The following GABPB2 variants were observed in gnomAD, a reference collection of about 807,000 sequenced individuals.
GABPB2 encodes GA binding protein transcription factor subunit beta 2.
A neutral mutation model predicts 39.1 loss-of-function variants in GABPB2; 23 were observed. The observed-to-expected ratio is 0.59, with a 90% CI of 0.42 to 0.83. GABPB2 has a LOEUF of 0.83. GABPB2 is among the 40% of genes least tolerant of loss of function. GABPB2 has a pLI of 0.00. For synonymous variants in GABPB2, 184 were observed against 199.3 expected, an observed-to-expected ratio of 0.92 and a Z score of 0.65; for missense variants, 467 against 541.1, an observed-to-expected ratio of 0.86 and a Z score of 1.36.
At chr1:151,107,483 A>G (rs1405795232) in intron 7 of GABPB2, among the ~76,000 whole-genome samples, 1 of 152,122 alleles carries the variant, frequency 6.6e-6, no homozygotes, top group African/African-American at 2.4e-5. Context: ...TCACAGAAAA[A>G]AAATGTACTG....
intron 4 of GABPB2, 97 bp from the exon 5 acceptor site, chr1:151,097,753 TGG>T: frequency 8.3e-7 from 1 of 1,208,492 alleles, no homozygotes; most frequent in Non-Finnish European, 1.2e-6. Context: ...CACTCCAGCC[TGG>T]GTGGCAGAGT....
At chr1:151,089,870 C>T (rs1048116415) in intron 2 of GABPB2, among the ~76,000 whole-genome samples, 5 of 151,992 alleles carry the variant, frequency 3.3e-5, no homozygotes, top group African/African-American at 1.2e-4. Context: ...GATAAATCCA[C>T]CTGACATAAA....
intron 1 of GABPB2, among the ~76,000 whole-genome samples, chr1:151,085,653 C>T (rs1678120249): frequency 6.6e-6 from 1 of 152,046 alleles, no homozygotes; most frequent in East Asian, 1.9e-4. Flanking sequence ...GGAGTTTCAC[C>T]GTGTTAGCCA....
intron 1 of GABPB2, among the ~76,000 whole-genome samples, chr1:151,087,911 C>A (rs772734514): frequency 6.6e-6 from 1 of 152,046 alleles, no homozygotes; most frequent in Admixed American, 6.6e-5. Flanking sequence ...GGTGTTTTAT[C>A]GATTCCTTAA....
At chr1:151,108,370 CCATGTTA>C (rs1329641108) in intron 7 of GABPB2, among the ~76,000 whole-genome samples, 2 of 152,112 alleles carry the variant, frequency 1.3e-5, no homozygotes, top group Non-Finnish European at 2.9e-5. Flanking sequence ...CAGGGTTTTA[CCATGTTA>C]GCCAGGCTGG....
chr1:151,098,145 C>T, intron 5 of GABPB2, 143 bp downstream of exon 5: 1 of 705,306 alleles, frequency 1.4e-6, no homozygotes, highest in Admixed American at 2.9e-5. Flanking sequence ...GATTTTAAAG[C>T]TGAGGTACTT....
chr1:151,113,909 T>G (rs1301931937), intron 7 of GABPB2, among the ~76,000 whole-genome samples: 1 of 152,232 alleles, frequency 6.6e-6, no homozygotes, highest in African/African-American at 2.4e-5. Flanking sequence ...CATAATTCCC[T>G]TGATACCCAT....
rs587774461 is a variant in GABPB2, at chr1:151,098,055, C to A, written c.622+53C>A. 5.5e-5 allele frequency: 84 copies of A among 1,527,462 alleles called. No individual in the cohort carries two copies. The East Asian group carries it at 1.9e-3, about 34-fold the overall frequency. 94.6% of individuals were successfully genotyped at this position (1,527,462 alleles called of 1,614,324 possible). A position where few individuals can be genotyped will look rare whatever the true frequency, so the allele number is the denominator to read the frequency against. On this transcript the variant is annotated intron_variant, in intron 5 of 8. Coordinates refer to ENST00000368918, the MANE Select transcript of GABPB2 (RefSeq NM_144618.3). ...TTTAGACTCAAAAAAGAACAGAACCCTAGATTTTCCAGGAGATGAATGGAT... is the reference window on the plus strand; with the variant it reads ...TTTAGACTCAAAAAAGAACAGAACCATAGATTTTCCAGGAGATGAATGGAT...
intron 5 of GABPB2, among the ~76,000 whole-genome samples, chr1:151,100,562 T>G (rs1211395538): frequency 6.9e-6 from 1 of 145,064 alleles, no homozygotes; most frequent in Non-Finnish European, 1.5e-5. Flanking sequence ...ATTACAAGTG[T>G]GAGCCACTGT....
intron 1 of GABPB2, among the ~76,000 whole-genome samples, chr1:151,082,808 T>G (rs587623794): frequency 6.6e-6 from 1 of 151,878 alleles, no homozygotes; most frequent in Non-Finnish European, 1.5e-5. Context: ...AAACTGCACC[T>G]CTACAAAAAA....
intron 7 of GABPB2, among the ~76,000 whole-genome samples, 195 bp from the exon 8 acceptor site, chr1:151,117,197 T>C (rs1261231470): frequency 6.6e-6 from 1 of 152,216 alleles, no homozygotes; most frequent in African/African-American, 2.4e-5. Context: ...GGTCTTGCTG[T>C]GTTGTCTAGG....
chr1:151,085,877 A>G (rs1678142992), intron 1 of GABPB2, among the ~76,000 whole-genome samples: 1 of 152,186 alleles, frequency 6.6e-6, no homozygotes. Context: ...CTGTAATCCC[A>G]ACACTTTGGG....
At chr1:151,097,431 T>C (rs1679177585) in intron 4 of GABPB2, among the ~76,000 whole-genome samples, 2 of 152,108 alleles carry the variant, frequency 1.3e-5, no homozygotes, top group Non-Finnish European at 2.9e-5. Context: ...TTATAATTGA[T>C]AGAGCATTGG....
At chr1:151,075,007 T>G (rs1677043906) in intron 1 of GABPB2, among the ~76,000 whole-genome samples, 1 of 151,958 alleles carries the variant, frequency 6.6e-6, no homozygotes, top group African/African-American at 2.4e-5. Context: ...CAGGCAGTAG[T>G]GGCACACGCC....
intron 1 of GABPB2, among the ~76,000 whole-genome samples, chr1:151,080,881 T>C (rs373904939): frequency 4.2e-5 from 6 of 142,892 alleles, no homozygotes; most frequent in Admixed American, 2.8e-4. Flanking sequence ...AAAAGAAAGG[T>C]TTTTTTTTTG....
chr1:151,092,297 G>A (rs1678782443), intron 3 of GABPB2, among the ~76,000 whole-genome samples: 1 of 151,280 alleles, frequency 6.6e-6, no homozygotes, highest in Non-Finnish European at 1.5e-5. Context: ...AGTAGAGATG[G>A]GGTTTAACCA....
Position 151,080,868 on chromosome 1 carries a change from T to A in GABPB2, c.1-7322T>A, listed in dbSNP as rs979735061. Among the ~76,000 whole-genome samples, 4 of 140,960 alleles carry A rather than the reference T, an allele frequency of 2.8e-5. No homozygotes were observed. The East Asian group carries it at 9.5e-4, about 34-fold the overall frequency. 92.5% of individuals were successfully genotyped at this position (140,960 alleles called of 152,430 possible). A position where few individuals can be genotyped will look rare whatever the true frequency, so the allele number is the denominator to read the frequency against. On this transcript the variant is annotated intron_variant, in intron 1 of 8. Transcript: ENST00000368918. ...AAGACTATGTCTCACAAAAAAAAAA[T>A]AAAAAAGAAAGGTTTTTTTTTTGAG...
chr1:151,081,903 C>T (rs974217572), intron 1 of GABPB2, among the ~76,000 whole-genome samples: 1 of 151,906 alleles, frequency 6.6e-6, no homozygotes. Flanking sequence ...TCCCAAAGTG[C>T]TGGGTTTACA....
intron 1 of GABPB2, among the ~76,000 whole-genome samples, chr1:151,087,057 G>C (rs1678265622): frequency 6.6e-6 from 1 of 151,946 alleles, no homozygotes; most frequent in South Asian, 2.1e-4. Context: ...GTTTCACTAT[G>C]TCGGCCAGGC....
Sources: allele counts gnomAD v4.1 joint callset (sites outside exome capture counted in the v4.1 genomes callset), GRCh38; gene constraint gnomAD v4.1.1; transcripts MANE v1.5; gene names NCBI Gene and HGNC (gene_info 2026-07-23, HGNC 2026-07-21).